Variants in NRG3 observed in about 807,000 individuals in gnomAD.
NRG3 encodes neuregulin 3.
In NRG3, 31 loss-of-function variants were observed where a neutral mutation model predicts 66.9. The observed-to-expected ratio is 0.46, with a 90% CI of 0.35 to 0.63. The LOEUF (loss-of-function observed/expected upper bound fraction) is 0.63. Among genes scored for constraint, NRG3 ranks in the 20% least tolerant of loss-of-function variants. The pLI is 0.00. For missense variants in NRG3, 910 were observed against 878.9 expected (o/e 1.04, Z -0.45); for synonymous variants, 393 against 359.4 (o/e 1.09, Z -1.06).
Position 82,504,249 on chromosome 10 carries a change from C to G in NRG3, c.953+145381C>G, listed in dbSNP as rs914386895. Among the ~76,000 whole-genome samples the G allele has an allele frequency of 1.5e-4, 23 of 152,298 alleles. No homozygotes were observed. The East Asian group carries it at 4.2e-3, about 28-fold the overall frequency. On this transcript the variant is annotated intron_variant, in intron 2 of 8. Transcript: ENST00000372141. ...ATTGAGTACTGTCTTGTGTTTGCAG[C>G]CTGAATGTTCTTGTGTTGGGAAGAG...
At chr10:82,706,380 T>C (rs1043513403) in intron 2 of NRG3, among the ~76,000 whole-genome samples, 4 of 152,216 alleles carry the variant, frequency 2.6e-5, no homozygotes, top group Admixed American at 6.5e-5. Flanking sequence ...CCTCCTTGGT[T>C]AAGTCTCCAG....
chr10:82,435,484 G>C (rs1428360803), intron 2 of NRG3, among the ~76,000 whole-genome samples: 1 of 151,924 alleles, frequency 6.6e-6, no homozygotes, highest in Non-Finnish European at 1.5e-5. Flanking sequence ...CTTGTCTTCT[G>C]CTGGCTTTTG....
rs72829365 is a variant in NRG3 at position 82,680,096 on chromosome 10, A to T, written c.954-58481A>T. Among the ~76,000 whole-genome samples, 1,081 of 152,278 alleles carry T rather than the reference A, an allele frequency of 7.1e-3. 9 individuals carry two copies. The highest frequency in any genetic ancestry group is 0.01 in the Non-Finnish European group (690 of 68,028). Reference sequence around the variant, plus strand: ...CTAATATGAATTTTACCAATCACCAAACACTATTCTAAGCCCTTTACTTAT... The same window carrying T: ...CTAATATGAATTTTACCAATCACCATACACTATTCTAAGCCCTTTACTTAT... On this transcript the variant is annotated intron_variant, in intron 2 of 8. Transcript: ENST00000372141.
intron 2 of NRG3, among the ~76,000 whole-genome samples, chr10:82,634,085 G>C (rs1418772982): frequency 6.6e-6 from 1 of 152,144 alleles, no homozygotes; most frequent in East Asian, 1.9e-4. Flanking sequence ...TTAGCAGCAT[G>C]GGCCTTTGTT....
chr10:82,783,803 A>G (rs1414713657), intron 3 of NRG3, among the ~76,000 whole-genome samples: 2 of 152,180 alleles, frequency 1.3e-5, no homozygotes, highest in Admixed American at 6.5e-5. Flanking sequence ...TATAGCTTCA[A>G]TGCCATCCCT....
Position 81,987,234 on chromosome 10 carries a change from G to A in NRG3, c.823+111071G>A, listed in dbSNP as rs865948344. On this transcript the variant is annotated intron_variant, in intron 1 of 8. Transcript: ENST00000372141. ...CAAGTAGTTGGGACTACAGGCGCAC[G>A]CCACCACACCCGGATAATTTTTGTA... Among the ~76,000 whole-genome samples, 3 of 152,136 alleles carry A rather than the reference G, an allele frequency of 2.0e-5. No individual in the cohort carries two copies. In the East Asian group the frequency reaches 5.8e-4, roughly 30 times the overall value.
chr10:82,769,137 T>A (rs562695072), intron 3 of NRG3, among the ~76,000 whole-genome samples: 74 of 152,236 alleles, frequency 4.9e-4, no homozygotes, highest in African/African-American at 1.7e-3. Flanking sequence ...ATAAATAGTT[T>A]GTGAAATATG....
At chr10:82,675,199 C>T (rs923271350) in intron 2 of NRG3, among the ~76,000 whole-genome samples, 1 of 152,034 alleles carries the variant, frequency 6.6e-6, no homozygotes, top group Admixed American at 6.5e-5. Context: ...TCAGGTGGTC[C>T]GCCCACCTCG....
At chr10:82,169,452 T>G (rs2072381556) in intron 1 of NRG3, among the ~76,000 whole-genome samples, 1 of 151,808 alleles carries the variant, frequency 6.6e-6, no homozygotes, top group Non-Finnish European at 1.5e-5. Flanking sequence ...GTATCTTTTG[T>G]TTTTCACTTC....
At chr10:82,854,170 G>A (rs564997128) in intron 3 of NRG3, among the ~76,000 whole-genome samples, 22 of 152,234 alleles carry the variant, frequency 1.4e-4, no homozygotes, top group Admixed American at 5.9e-4. Context: ...ATAATCCAAG[G>A]CATAATAATT....
At chr10:82,098,248 A>G (rs1214369578) in intron 1 of NRG3, among the ~76,000 whole-genome samples, 1 of 151,508 alleles carries the variant, frequency 6.6e-6, no homozygotes, top group African/African-American at 2.4e-5. Context: ...TGTCATCTAT[A>G]TATATATGTC....
chr10:82,786,917 C>T (rs1300755255), intron 3 of NRG3, among the ~76,000 whole-genome samples: 1 of 152,090 alleles, frequency 6.6e-6, no homozygotes, highest in Non-Finnish European at 1.5e-5. Flanking sequence ...GCCCTTCCAC[C>T]TTCCACTACG....
intron 1 of NRG3, among the ~76,000 whole-genome samples, chr10:82,057,949 G>A (rs139983891): frequency 6.7e-5 from 10 of 148,178 alleles, no homozygotes; most frequent in African/African-American, 2.5e-4. Flanking sequence ...GCTTACTCAT[G>A]TGGATTCTCT....
chr10:82,925,205 C>T (rs371915122), intron 4 of NRG3, among the ~76,000 whole-genome samples: 5 of 152,232 alleles, frequency 3.3e-5, no homozygotes, highest in South Asian at 2.1e-4. Flanking sequence ...CTACCACATC[C>T]CCTCTCCAAC....
intron 4 of NRG3, among the ~76,000 whole-genome samples, chr10:82,908,612 C>A (rs1365421803): frequency 1.3e-5 from 2 of 152,194 alleles, no homozygotes; most frequent in African/African-American, 4.8e-5. Flanking sequence ...TAACTCCTTG[C>A]TGTTCACCTG....
At chr10:82,031,506 T>A (rs1372253042) in intron 1 of NRG3, among the ~76,000 whole-genome samples, 1 of 152,158 alleles carries the variant, frequency 6.6e-6, no homozygotes, top group Non-Finnish European at 1.5e-5. Flanking sequence ...GAAATCAATT[T>A]CACTGTACAT....
chr10:82,294,516 CCACCTCCGTA>C (rs2079944798), intron 1 of NRG3, among the ~76,000 whole-genome samples: 1 of 151,868 alleles, frequency 6.6e-6, no homozygotes, highest in African/African-American at 2.4e-5. Context: ...ATGCCACCTG[CCACCTCCGTA>C]TTGTGCTGTA....
At chr10:82,457,211 C>T (rs1327152200) in intron 2 of NRG3, among the ~76,000 whole-genome samples, 2 of 152,028 alleles carry the variant, frequency 1.3e-5, no homozygotes, top group African/African-American at 4.8e-5. Context: ...ACCAATGATG[C>T]CCAACCTTTT....
At chr10:82,696,965 G>T (rs942525843) in intron 2 of NRG3, among the ~76,000 whole-genome samples, 1 of 152,150 alleles carries the variant, frequency 6.6e-6, no homozygotes, top group Non-Finnish European at 1.5e-5. Context: ...CATACGTTAG[G>T]TACTTCTGTC....
Sources: allele counts gnomAD v4.1 joint callset (sites outside exome capture counted in the v4.1 genomes callset), GRCh38; gene constraint gnomAD v4.1.1; transcripts MANE v1.5; gene names NCBI Gene and HGNC (gene_info 2026-07-23, HGNC 2026-07-21).